The following ANKRD31 variants were observed in gnomAD, a reference collection of about 807,000 sequenced individuals.
ANKRD31 encodes ankyrin repeat domain 31.
ANKRD31 carries 147 observed loss-of-function variants against 186.0 expected under a neutral mutation model. The ratio of observed to expected loss-of-function variants is 0.79; its 90% CI spans 0.69 to 0.91. The LOEUF (loss-of-function observed/expected upper bound fraction) is 0.91. Among genes scored for constraint, ANKRD31 ranks in the 40% least tolerant of loss-of-function variants. The pLI is 0.00. For synonymous variants in ANKRD31, 673 were observed against 736.4 expected, an observed-to-expected ratio of 0.91 and a Z score of 1.39; for missense variants, 1,986 against 2,148.8, an observed-to-expected ratio of 0.92 and a Z score of 1.50.
intron 22 of ANKRD31, among the ~76,000 whole-genome samples, chr5:75,093,854 A>C (rs1360910364): frequency 1.3e-5 from 2 of 152,202 alleles, no homozygotes; most frequent in Admixed American, 1.3e-4. Flanking sequence ...AAACTGAGAG[A>C]CTGAGAAAAT....
At chr5:75,119,092 T>TA (rs558939704) in intron 17 of ANKRD31, among the ~76,000 whole-genome samples, 25 of 151,742 alleles carry the variant, frequency 1.6e-4, no homozygotes, top group Middle Eastern at 3.2e-3. Context: ...ATAGCAAACT[T>TA]AAAAAAAAAT....
At chr5:75,178,632 C>T (rs1580495404) in intron 10 of ANKRD31, among the ~76,000 whole-genome samples, 2 of 152,236 alleles carry the variant, frequency 1.3e-5, no homozygotes, top group South Asian at 4.2e-4. Context: ...TCCTGAATGA[C>T]TACTGGGTAC....
chr5:75,116,464 T>C (rs1036994337), intron 19 of ANKRD31, 102 bp downstream of exon 19: 1 of 438,542 alleles, frequency 2.3e-6, no homozygotes, highest in African/African-American at 2.1e-5. Context: ...TATCTTTGTA[T>C]CATTAAAATG....
intron 23 of ANKRD31, among the ~76,000 whole-genome samples, chr5:75,088,411 C>A (rs1293595633): frequency 6.6e-6 from 1 of 152,216 alleles, no homozygotes; most frequent in Non-Finnish European, 1.5e-5. Context: ...TACTTTTCAT[C>A]TGCAGTAATT....
intron 12 of ANKRD31, among the ~76,000 whole-genome samples, chr5:75,152,069 C>A (rs1751878593): frequency 6.6e-6 from 1 of 151,998 alleles, no homozygotes; most frequent in Non-Finnish European, 1.5e-5. Flanking sequence ...CAGCACATAA[C>A]CTCATAGGCA....
intron 10 of ANKRD31, among the ~76,000 whole-genome samples, chr5:75,170,560 G>A (rs1330968201): frequency 1.3e-5 from 2 of 151,862 alleles, no homozygotes; most frequent in Non-Finnish European, 2.9e-5. Context: ...TTTTTAAATG[G>A]GTAAATTGTG....
Position 75,116,606 on chromosome 5 carries a change from G to A in ANKRD31, c.4115C>T (p.Ser1372Phe), listed in dbSNP as rs987896511. The change falls in exon 19 of 26, where the codon TCC becomes TTC. Residue 1372 changes from serine (S) to phenylalanine (F), a missense_variant. Ser to Phe is a radical substitution (Grantham distance 155). Coordinates refer to ENST00000506364, the MANE Select transcript of ANKRD31 (RefSeq NM_001372053.1). ...CDDGKTIDSSSLSHQERSRES... is the reference protein window; with the variant it reads ...CDDGKTIDSSFLSHQERSRES... ...TCTTGATCTTTCTTGGTGTGAAAGG[G>A]AAGATGAGTCAATAGTTTTGCCATC... The A allele has an allele frequency of 4.8e-6, 7 of 1,471,838 alleles. No homozygotes were observed. The African/African-American group carries it at 9.7e-5, about 20-fold the overall frequency. The allele number at this position is 1,471,838 out of a possible 1,614,324, so 91.2% of individuals were successfully genotyped here.
intron 3 of ANKRD31, among the ~76,000 whole-genome samples, chr5:75,213,217 T>C (rs552354620): frequency 6.6e-6 from 1 of 152,280 alleles, no homozygotes; most frequent in African/African-American, 2.4e-5. Context: ...AGGGTATACC[T>C]ACACACTTAC....
At chr5:75,164,478 G>A (rs1752786688) in intron 11 of ANKRD31, among the ~76,000 whole-genome samples, 2 of 152,250 alleles carry the variant, frequency 1.3e-5, no homozygotes, top group African/African-American at 4.8e-5. Context: ...TTGGTGAGGA[G>A]AGAGCTTTTT....
chr5:75,173,253 T>G (rs1472736431), intron 10 of ANKRD31, among the ~76,000 whole-genome samples: 1 of 151,886 alleles, frequency 6.6e-6, no homozygotes, highest in Non-Finnish European at 1.5e-5. Context: ...TAGGAGCGAT[T>G]TACGACAAAC....
chr5:75,134,109 AGAAG>A (rs1291786304), intron 17 of ANKRD31, among the ~76,000 whole-genome samples: 2 of 152,160 alleles, frequency 1.3e-5, no homozygotes, highest in African/African-American at 4.8e-5. Flanking sequence ...AAAGAACTAG[AGAAG>A]CAAGAGCAAA....
At chr5:75,180,186 G>T (rs754202849) in intron 10 of ANKRD31, among the ~76,000 whole-genome samples, 1 of 152,116 alleles carries the variant, frequency 6.6e-6, no homozygotes, top group Non-Finnish European at 1.5e-5. Flanking sequence ...GGGATGTGAA[G>T]GACCTCTTCA....
chr5:75,104,549 A>C lies in ANKRD31; in HGVS notation c.5010T>G (p.Tyr1670Ter). The C allele has an allele frequency of 6.5e-7, 1 of 1,536,782 alleles. No individual in the cohort carries two copies. The highest frequency in any genetic ancestry group is 8.7e-7 in the Non-Finnish European group (1 of 1,146,722). ...TTTTTCTGTTTCCTCTTTTGGGATCATAATTGGAAAGGTCCTGATCACAAA... is the reference window on the plus strand; with the variant it reads ...TTTTTCTGTTTCCTCTTTTGGGATCCTAATTGGAAAGGTCCTGATCACAAA... The part of the protein sequence containing the change: ...NIICDQDLSN[Y>*]DPKRGNRKTS... The change falls in exon 22 of 26, where the codon TAT (tyrosine) becomes TAG (stop). Residue 1670 changes from tyrosine to a stop codon, truncating the protein, a stop_gained. Transcript: ENST00000506364. LOFTEE classifies it high-confidence loss of function.
At chr5:75,171,923 T>C (rs1334480669) in intron 10 of ANKRD31, among the ~76,000 whole-genome samples, 1 of 151,636 alleles carries the variant, frequency 6.6e-6, no homozygotes, top group Non-Finnish European at 1.5e-5. Flanking sequence ...TCTTAACTTA[T>C]GAGGCTGGCA....
At chr5:75,155,724 A>G (rs1195061109) in intron 11 of ANKRD31, among the ~76,000 whole-genome samples, 5 of 152,300 alleles carry the variant, frequency 3.3e-5, no homozygotes, top group Non-Finnish European at 2.9e-5. Context: ...TATCCAGTGT[A>G]TGTACCTAAA....
At position 75,146,703 on chromosome 5, in the gene ANKRD31, T is replaced by A. The variant is rs1751465921; in HGVS notation, c.2708A>T (p.Asp903Val). Residue 903 changes from aspartate (D) to valine (V), a missense_variant, in exon 14 of 26, where the codon GAT becomes GTT. Transcript: ENST00000506364. ...CTTCTCAGAGGTAGAGCAATCATCA[T>A]CATCATCATTATCAGAATTTTCCTT... ...FVKENSDNDD[D>V]DDCSTSEKAI... The A allele has an allele frequency of 1.3e-6, 2 of 1,536,214 alleles. No homozygotes were observed. Among genetic ancestry groups the A allele is most frequent in the African/African-American group, 1.4e-5 (1 of 72,974 alleles).
At chr5:75,149,970 A>C (rs986705582) in intron 12 of ANKRD31, among the ~76,000 whole-genome samples, 2 of 151,860 alleles carry the variant, frequency 1.3e-5, no homozygotes, top group African/African-American at 4.8e-5. Context: ...TACATTCCCT[A>C]ATACAACCAA....
At chr5:75,129,331 G>GT (rs1287789736) in intron 17 of ANKRD31, among the ~76,000 whole-genome samples, 1 of 152,124 alleles carries the variant, frequency 6.6e-6, no homozygotes, top group Non-Finnish European at 1.5e-5. Flanking sequence ...GCCTCAGGTA[G>GT]TTTTTTATAG....
At chr5:75,108,601 T>C (rs1314930875) in intron 20 of ANKRD31, among the ~76,000 whole-genome samples, 1 of 152,148 alleles carries the variant, frequency 6.6e-6, no homozygotes, top group East Asian at 1.9e-4. Flanking sequence ...TGAGAAAATC[T>C]GTGGTAGAAA....
Sources: gnomAD v4.1 joint callset for allele counts (sites outside exome capture counted in the v4.1 genomes callset) on GRCh38, gnomAD v4.1.1 for gene constraint, MANE v1.5 for transcripts, NCBI Gene and HGNC (gene_info 2026-07-23, HGNC 2026-07-21) for gene names.